The following SIL1 variants were observed in gnomAD, a reference collection of about 807,000 sequenced individuals.
SIL1 encodes the protein nucleotide exchange factor SIL1.
In SIL1, 40 loss-of-function variants were observed where a neutral mutation model predicts 49.1. The ratio of observed to expected loss-of-function variants is 0.81; its 90% CI spans 0.63 to 1.06. The LOEUF (loss-of-function observed/expected upper bound fraction) is 1.06, where lower values mean the gene tolerates loss of function less well. SIL1 is among the 50% of genes least tolerant of loss of function. The pLI is 0.00. For synonymous variants in SIL1, 253 were observed against 250.8 expected (o/e 1.01, Z -0.08); for missense variants, 500 against 572.6 (o/e 0.87, Z 1.29).
rs1247303922 is a variant in SIL1 at position 139,112,710 on chromosome 5, T to TCCGG, written c.244+8324_244+8325insCCGG. Among the ~76,000 whole-genome samples, 17 of 149,226 alleles carry TCCGG rather than the reference T, an allele frequency of 1.1e-4. No individual in the cohort carries two copies. In the East Asian group the frequency reaches 3.5e-3, roughly 30 times the overall value. On this transcript the variant is annotated intron_variant, in intron 3 of 9. Coordinates refer to ENST00000394817, the MANE Select transcript of SIL1 (RefSeq NM_022464.5). ...GCGCCTCCGCCCGGCCGCCGCCCCG[T>TCCGG]GCGGGAGGTGGGGGGCGCCTCTGCC...
rs1382404290 is a variant in SIL1 at position 138,955,686 on chromosome 5, T to A, written c.768-3802A>T. ...CTTGGGCTCAGGGCTGGCTACATAA[T>A]TTTCAGGCCCAAGTGCAACATGAAA... On this transcript the variant is annotated intron_variant, in intron 7 of 9. Coordinates refer to ENST00000394817, the MANE Select transcript of SIL1 (RefSeq NM_022464.5). Among the ~76,000 whole-genome samples, 10 of 152,304 alleles carry A rather than the reference T, an allele frequency of 6.6e-5. No individual in the cohort carries two copies. The East Asian group carries it at 1.9e-3, about 29-fold the overall frequency.
At chr5:139,194,174 T>C (rs1410815627) in intron 1 of SIL1, among the ~76,000 whole-genome samples, 2 of 152,232 alleles carry the variant, frequency 1.3e-5, no homozygotes, top group African/African-American at 2.4e-5. Context: ...GGGCTGAATA[T>C]AGTTTTGTTG....
chr5:139,068,967 T>C (rs1406474028), intron 3 of SIL1, among the ~76,000 whole-genome samples: 2 of 152,094 alleles, frequency 1.3e-5, no homozygotes, highest in Admixed American at 1.3e-4. Context: ...AAATCAGAAA[T>C]GAGGTGCTAG....
chr5:139,174,937 C>CAAAAAAAAAAAAAAAAAAAAAAAAAA (rs56959325), intron 1 of SIL1, among the ~76,000 whole-genome samples: 6 of 59,836 alleles, frequency 1.0e-4, no homozygotes, highest in Admixed American at 4.0e-4. Flanking sequence ...GACTGTGTCT[C>CAAAAAAAAAAAAAAAAAAAAAAAAAA]AAAAAAAAAA....
chr5:139,111,631 A>C (rs1428937651), intron 3 of SIL1, among the ~76,000 whole-genome samples: 3 of 152,182 alleles, frequency 2.0e-5, no homozygotes, highest in Non-Finnish European at 2.9e-5. Context: ...CCAGGAGTTC[A>C]ACAAATGGAA....
At chr5:139,108,492 A>G (rs1367323073) in intron 3 of SIL1, among the ~76,000 whole-genome samples, 3 of 152,172 alleles carry the variant, frequency 2.0e-5, no homozygotes, top group Non-Finnish European at 4.4e-5. Context: ...TTGAGGTACA[A>G]ACTATTCATG....
intron 3 of SIL1, among the ~76,000 whole-genome samples, chr5:139,054,184 G>A (rs866301816): frequency 6.6e-6 from 1 of 152,306 alleles, no homozygotes; most frequent in South Asian, 2.1e-4. Flanking sequence ...GGGAGGCCAA[G>A]GCAAGTGGAT....
chr5:139,054,469 C>T (rs1406421427), intron 3 of SIL1, among the ~76,000 whole-genome samples: 1 of 151,856 alleles, frequency 6.6e-6, no homozygotes. Context: ...AGAGGGAATT[C>T]CTAGCTGATC....
chr5:139,076,102 C>T (rs1204355614), intron 3 of SIL1, among the ~76,000 whole-genome samples: 2 of 152,176 alleles, frequency 1.3e-5, no homozygotes, highest in African/African-American at 4.8e-5. Context: ...AATTTACAGT[C>T]CTATTCTTTT....
chr5:139,167,651 CATTT>C (rs377506250), intron 1 of SIL1, among the ~76,000 whole-genome samples: 206 of 152,196 alleles, frequency 1.4e-3, no homozygotes, highest in Middle Eastern at 0.01. Flanking sequence ...GCTACAGCTA[CATTT>C]ATTATTGAAG....
At chr5:139,178,932 CAA>C (rs1751933363) in intron 1 of SIL1, among the ~76,000 whole-genome samples, 1 of 152,146 alleles carries the variant, frequency 6.6e-6, no homozygotes, top group Non-Finnish European at 1.5e-5. Context: ...GTATCCAAAT[CAA>C]AGAGTTCTAC....
At chr5:138,973,201 T>TAAAAAAAA (rs5871690) in intron 7 of SIL1, among the ~76,000 whole-genome samples, 2 of 105,374 alleles carry the variant, frequency 1.9e-5, no homozygotes, top group African/African-American at 3.7e-5. Context: ...TTGAAGTATT[T>TAAAAAAAA]AAAAAAAAAA....
intron 7 of SIL1, among the ~76,000 whole-genome samples, chr5:138,958,736 A>G (rs1342702456): frequency 6.6e-6 from 1 of 152,170 alleles, no homozygotes; most frequent in Non-Finnish European, 1.5e-5. Context: ...CCAAAAAAAA[A>G]AAAGAAAATC....
chr5:139,044,810 T>C (rs1183771955), intron 4 of SIL1, among the ~76,000 whole-genome samples: 1 of 152,204 alleles, frequency 6.6e-6, no homozygotes, highest in Non-Finnish European at 1.5e-5. Context: ...CAGTCTCTTC[T>C]GGTTATCCTG....
At position 139,140,622 on chromosome 5, in the gene SIL1, C is replaced by T. The variant is rs927619078; in HGVS notation, c.-10-12769G>A. ...AAATCAGATGCCTCTCAACACAGCT[C>T]AGGGAGCCATAACTCACGGCTTTCA... On this transcript the variant is annotated intron_variant, in intron 1 of 9. Coordinates refer to ENST00000394817, the MANE Select transcript of SIL1 (RefSeq NM_022464.5). Among the ~76,000 whole-genome samples, 4 of 152,172 alleles carry T rather than the reference C, an allele frequency of 2.6e-5. No homozygotes were observed. The East Asian group carries it at 7.7e-4, about 29-fold the overall frequency.
intron 3 of SIL1, among the ~76,000 whole-genome samples, chr5:139,088,748 A>G (rs10041986): frequency 0.46 from 69,470 of 152,058 alleles, 16,218 homozygotes; most frequent in African/African-American, 0.52. Context: ...ATTGTTTAGG[A>G]CAGCCTGTAA....
chr5:139,003,006 T>G (rs1240343982), intron 7 of SIL1, among the ~76,000 whole-genome samples: 1 of 152,100 alleles, frequency 6.6e-6, no homozygotes, highest in African/African-American at 2.4e-5. Context: ...ACCTCTGAGT[T>G]AGGACCCTGG....
At chr5:139,158,274 T>C (rs766711046) in intron 1 of SIL1, among the ~76,000 whole-genome samples, 5 of 152,218 alleles carry the variant, frequency 3.3e-5, no homozygotes, top group Admixed American at 2.6e-4. Flanking sequence ...GGAAAGTTAA[T>C]AGTGTAAGCT....
intron 4 of SIL1, among the ~76,000 whole-genome samples, chr5:139,043,318 A>G (rs1769085932): frequency 6.6e-6 from 1 of 152,240 alleles, no homozygotes; most frequent in Non-Finnish European, 1.5e-5. Flanking sequence ...GCACGCTGCC[A>G]GGGCAGGACC....
Sources: gnomAD v4.1 joint callset for allele counts (sites outside exome capture counted in the v4.1 genomes callset) on GRCh38, gnomAD v4.1.1 for gene constraint, MANE v1.5 for transcripts, NCBI Gene and HGNC (gene_info 2026-07-23, HGNC 2026-07-21) for gene names.